The following ALDH18A1 variants were observed in gnomAD, a reference collection of about 807,000 sequenced individuals.
The protein encoded by ALDH18A1 is aldehyde dehydrogenase 18 family member A1.
Under a neutral mutation model 88.8 loss-of-function variants are expected in ALDH18A1, and 44 were observed. The ratio of observed to expected loss-of-function variants is 0.50; its 90% CI spans 0.39 to 0.64. ALDH18A1 has a LOEUF of 0.64. Ranked by LOEUF, ALDH18A1 falls within the 30% of genes least tolerant of loss-of-function variation. The pLI is 0.00. For missense variants in ALDH18A1, 782 were observed against 1,009.5 expected (o/e 0.77, Z 3.05); for synonymous variants, 331 against 372.1 (o/e 0.89, Z 1.27).
At chr10:95,622,237 G>A (rs914991860) in intron 11 of ALDH18A1, among the ~76,000 whole-genome samples, 2 of 152,022 alleles carry the variant, frequency 1.3e-5, no homozygotes, top group African/African-American at 4.8e-5. Context: ...TCAGTGTGCC[G>A]CCCAGGCTAG....
chr10:95,649,607 G>A (rs921766206), intron 2 of ALDH18A1, among the ~76,000 whole-genome samples: 3 of 151,842 alleles, frequency 2.0e-5, no homozygotes, highest in East Asian at 1.9e-4. Flanking sequence ...TGCCCACCTC[G>A]GCCTCCCAAA....
chr10:95,618,617 A>T, intron 12 of ALDH18A1, among the ~76,000 whole-genome samples: 1 of 152,186 alleles, frequency 6.6e-6, no homozygotes. Context: ...CCTGGCCGAC[A>T]GTTGCATTCT....
At chr10:95,637,524 G>T in intron 3 of ALDH18A1, 88 bp from the exon 4 acceptor site, 1 of 1,497,976 alleles carries the variant, frequency 6.7e-7, no homozygotes, top group South Asian at 1.2e-5. Context: ...GTGGGCTATC[G>T]AGTAGATCCC....
intron 3 of ALDH18A1, 35 bp from the exon 4 acceptor site, chr10:95,637,471 A>G (rs745591938): frequency 6.2e-7 from 1 of 1,611,612 alleles, no homozygotes; most frequent in Non-Finnish European, 8.5e-7. Context: ...ACTGTAAGTT[A>G]CCGTACTGTC....
chr10:95,637,964 CAAAAACAACAA>C (rs2097884049), intron 3 of ALDH18A1, among the ~76,000 whole-genome samples: 1 of 132,482 alleles, frequency 7.5e-6, no homozygotes, highest in Admixed American at 7.7e-5. Flanking sequence ...GATGCTGTCT[CAAAAACAACAA>C]CAACAACAAC....
chr10:95,656,037 GA>G, intron 1 of ALDH18A1, among the ~76,000 whole-genome samples: 1 of 152,214 alleles, frequency 6.6e-6, no homozygotes, highest in South Asian at 2.1e-4. Flanking sequence ...GCTGTAACAG[GA>G]AGACCCCAGC....
At chr10:95,608,712 G>A (rs2097827422) in intron 17 of ALDH18A1, among the ~76,000 whole-genome samples, 1 of 152,150 alleles carries the variant, frequency 6.6e-6, no homozygotes, top group Non-Finnish European at 1.5e-5. Flanking sequence ...CGTTGCCCAG[G>A]CTGGTCTCGA....
intron 11 of ALDH18A1, among the ~76,000 whole-genome samples, chr10:95,623,171 A>G (rs1477598069): frequency 6.6e-6 from 1 of 152,194 alleles, no homozygotes; most frequent in African/African-American, 2.4e-5. Context: ...ATGCTAAAAA[A>G]AAAGTTTTAA....
In ALDH18A1 at chr10:95,643,000, C is replaced by T. The variant is rs779947647; in HGVS notation, c.295G>A (p.Val99Ile). 1 of 1,613,400 alleles carries T rather than the reference C, an allele frequency of 6.2e-7. No individual in the cohort carries two copies. Among genetic ancestry groups the T allele is most frequent in the Non-Finnish European group, 8.5e-7 (1 of 1,179,890 alleles). Residue 99 changes from valine (V) to isoleucine (I), a missense_variant, in exon 3 of 18, where the codon GTT becomes ATT. By Grantham distance (29) the Val-to-Ile change is conservative (BLOSUM62 3). This residue lies in a region of ALDH18A1 where 132 missense variants were observed against 255.5 expected (regional missense o/e 0.52). Transcript: ENST00000371224. ...GLALGRLASI[V>I]EQVSVLQNQG... Reference sequence around the variant, plus strand: ...TCTATCTTGGCAATCACCTGCTCAACAATAGATGCCAAGCGCCCCAGGGCC... The same window carrying T: ...TCTATCTTGGCAATCACCTGCTCAATAATAGATGCCAAGCGCCCCAGGGCC...
At chr10:95,628,535 T>G (rs371181680) in intron 7 of ALDH18A1, 43 bp from the exon 8 acceptor site, 20 of 1,605,766 alleles carry the variant, frequency 1.2e-5, no homozygotes, top group Non-Finnish European at 1.7e-5. Flanking sequence ...TTGATGGAAG[T>G]GTCTCCAAGA....
chr10:95,628,652 C>T, intron 7 of ALDH18A1, 160 bp from the exon 8 acceptor site: 1 of 754,310 alleles, frequency 1.3e-6, no homozygotes, highest in South Asian at 1.7e-5. Flanking sequence ...AGGGATTCGA[C>T]ACTGACAAAC....
At chr10:95,628,269 T>G in intron 8 of ALDH18A1, 99 bp downstream of exon 8, 1 of 1,541,824 alleles carries the variant, frequency 6.5e-7, no homozygotes, top group Non-Finnish European at 8.9e-7. Flanking sequence ...GTGCCTACTA[T>G]CTGAACCATT....
chr10:95,612,912 A>T (rs1409710), intron 15 of ALDH18A1, among the ~76,000 whole-genome samples: 1 of 152,130 alleles, frequency 6.6e-6, no homozygotes, highest in Non-Finnish European at 1.5e-5. Context: ...AATTCTTTCC[A>T]GTTCTCACTG....
In ALDH18A1 at chr10:95,628,357, C is replaced by G. The variant is rs747981401; in HGVS notation, c.933+11G>C. On this transcript the variant is annotated intron_variant, in intron 8 of 17. Transcript: ENST00000371224. ...AAATTGTTATAGGCAGTTAAGGCAC[C>G]AGATTCTTACCTTGGCTTCCATGCC... is the stretch of plus-strand genomic sequence containing the variant. 1 of 1,614,082 alleles carries G rather than the reference C, an allele frequency of 6.2e-7. No individual in the cohort carries two copies. The highest frequency in any genetic ancestry group is 8.5e-7 in the Non-Finnish European group (1 of 1,179,972).
intron 1 of ALDH18A1, among the ~76,000 whole-genome samples, chr10:95,654,292 G>A (rs1465000842): frequency 6.6e-6 from 1 of 151,620 alleles, no homozygotes; most frequent in Non-Finnish European, 1.5e-5. Context: ...AGCCTCCCGA[G>A]TAGCTGGGAC....
chr10:95,628,886 T>C (rs2097864114), intron 7 of ALDH18A1: 1 of 300,248 alleles, frequency 3.3e-6, no homozygotes, highest in Non-Finnish European at 6.5e-6. Flanking sequence ...AGCAGCCATA[T>C]ACTGTTTAAT....
chr10:95,645,521 T>C (rs1032994130), intron 2 of ALDH18A1, among the ~76,000 whole-genome samples: 2 of 152,158 alleles, frequency 1.3e-5, no homozygotes, highest in African/African-American at 2.4e-5. Context: ...GACCTTATTC[T>C]CATGAATGGG....
chr10:95,630,917 A>T (rs555999876), intron 7 of ALDH18A1, among the ~76,000 whole-genome samples: 2 of 152,346 alleles, frequency 1.3e-5, no homozygotes, highest in South Asian at 4.1e-4. Context: ...GGGCAGAGAC[A>T]GATCAATTCA....
intron 2 of ALDH18A1, among the ~76,000 whole-genome samples, chr10:95,646,140 T>G (rs2097900966): frequency 6.6e-6 from 1 of 152,126 alleles, no homozygotes; most frequent in Non-Finnish European, 1.5e-5. Context: ...CTGTCAGATC[T>G]AGGCTTTCTG....
Sources: allele counts gnomAD v4.1 joint callset (sites outside exome capture counted in the v4.1 genomes callset), GRCh38; gene constraint gnomAD v4.1.1; regional missense constraint gnomAD v4.1.1; transcripts MANE v1.5; gene names NCBI Gene and HGNC (gene_info 2026-07-23, HGNC 2026-07-21).